Variants in CATSPERT observed in about 807,000 individuals in gnomAD.
CATSPERT encodes catsper channel auxiliary subunit tau.
the CATSPERT span, among the ~76,000 whole-genome samples, chr2:201,510,521 G>T: frequency 2.0e-5 from 3 of 152,184 alleles, no homozygotes; most frequent in Admixed American, 6.5e-5. Context: ...GCTCATCCTT[G>T]TAGCCTCTGA....
At chr2:201,525,202 C>A in the CATSPERT span, among the ~76,000 whole-genome samples, 2 of 152,084 alleles carry the variant, frequency 1.3e-5, no homozygotes, top group Non-Finnish European at 2.9e-5. Context: ...AAATTGGCCA[C>A]ACAACCAGAA....
At chr2:201,542,966 G>C in the CATSPERT span, among the ~76,000 whole-genome samples, 1 of 152,062 alleles carries the variant, frequency 6.6e-6, no homozygotes, top group African/African-American at 2.4e-5. Flanking sequence ...TTTTCTTCTA[G>C]GAGTTTTACA....
At chr2:201,565,988 C>T in the CATSPERT span, 2 of 901,336 alleles carry the variant, frequency 2.2e-6, no homozygotes, top group South Asian at 2.8e-5. Flanking sequence ...ACCTAGCCAC[C>T]TTGGGCCATC....
the CATSPERT span, among the ~76,000 whole-genome samples, chr2:201,560,462 TAATAATAAC>T: frequency 7.3e-3 from 286 of 39,362 alleles, 2 homozygotes; most frequent in African/African-American, 0.02. Flanking sequence ...ATAATAATAA[TAATAATAAC>T]AACAACAACA....
At chr2:201,501,589 A>C in the CATSPERT span, among the ~76,000 whole-genome samples, 2 of 152,054 alleles carry the variant, frequency 1.3e-5, no homozygotes, top group Non-Finnish European at 2.9e-5. Context: ...CACGATAGAG[A>C]ATATCAGTGA....
chr2:201,494,573 T>C, the CATSPERT span: 8 of 1,537,048 alleles, frequency 5.2e-6, no homozygotes, highest in East Asian at 2.4e-5. Context: ...TGGGCCCAGG[T>C]TGTATTAGCA....
chr2:201,545,548 C>A, the CATSPERT span: 1 of 1,502,134 alleles, frequency 6.7e-7, no homozygotes, highest in Non-Finnish European at 8.9e-7. Flanking sequence ...CTTACCTACT[C>A]CTACAATATT....
At chr2:201,562,526 A>ATTTATTTT in the CATSPERT span, among the ~76,000 whole-genome samples, 1 of 147,170 alleles carries the variant, frequency 6.8e-6, no homozygotes, top group African/African-American at 2.5e-5. Flanking sequence ...TTATTTATTT[A>ATTTATTTT]TTTTTTTTAT....
chr2:201,507,916 T>C, the CATSPERT span, among the ~76,000 whole-genome samples: 7 of 152,068 alleles, frequency 4.6e-5, no homozygotes, highest in Non-Finnish European at 7.4e-5. Flanking sequence ...AACCAGATCT[T>C]GTGAGAACTC....
At chr2:201,606,429 C>A in the CATSPERT span, among the ~76,000 whole-genome samples, 4 of 152,170 alleles carry the variant, frequency 2.6e-5, no homozygotes, top group Admixed American at 2.6e-4. Flanking sequence ...GGATTTTTAT[C>A]CAACCAAGTC....
At chr2:201,584,759 G>A in the CATSPERT span, among the ~76,000 whole-genome samples, 876 of 151,974 alleles carry the variant, frequency 5.8e-3, 4 homozygotes, top group Non-Finnish European at 9.4e-3. Context: ...CTCCAGCCTG[G>A]GTGACAGAGC....
the CATSPERT span, among the ~76,000 whole-genome samples, chr2:201,519,861 C>T: frequency 3.3e-5 from 5 of 152,066 alleles, no homozygotes; most frequent in African/African-American, 4.8e-5. Context: ...AATTAAATGC[C>T]GATTTTAAAA....
the CATSPERT span, among the ~76,000 whole-genome samples, chr2:201,571,227 T>C: frequency 6.6e-6 from 1 of 152,166 alleles, no homozygotes; most frequent in East Asian, 1.9e-4. Flanking sequence ...ATCAAATAGA[T>C]AAAGTATTTT....
At chr2:201,605,902 T>C in the CATSPERT span, among the ~76,000 whole-genome samples, 1 of 151,912 alleles carries the variant, frequency 6.6e-6, no homozygotes, top group Non-Finnish European at 1.5e-5. Flanking sequence ...GAAAAGAAAT[T>C]TTTAAAAAAG....
At chr2:201,533,813 A>G in the CATSPERT span, among the ~76,000 whole-genome samples, 2 of 151,992 alleles carry the variant, frequency 1.3e-5, no homozygotes, top group Non-Finnish European at 2.9e-5. Context: ...TGAGTATGGG[A>G]CTTGCTGTAA....
At chr2:201,539,556 G>A in the CATSPERT span, among the ~76,000 whole-genome samples, 3 of 79,388 alleles carry the variant, frequency 3.8e-5, no homozygotes, top group Non-Finnish European at 8.8e-5. Context: ...TTTTTAACGA[G>A]GTTGTTTTTT....
the CATSPERT span, among the ~76,000 whole-genome samples, chr2:201,536,625 G>A: frequency 6.6e-6 from 1 of 151,672 alleles, no homozygotes; most frequent in Non-Finnish European, 1.5e-5. Context: ...TTATTACACT[G>A]TCACCAATAT....
At chr2:201,607,276 T>C in the CATSPERT span, among the ~76,000 whole-genome samples, 1 of 152,158 alleles carries the variant, frequency 6.6e-6, no homozygotes, top group African/African-American at 2.4e-5. Context: ...TTACTTAACC[T>C]CTCTAACCCA....
At chr2:201,525,431 C>T in the CATSPERT span, among the ~76,000 whole-genome samples, 1 of 152,142 alleles carries the variant, frequency 6.6e-6, no homozygotes, top group African/African-American at 2.4e-5. Flanking sequence ...ATAAAACATA[C>T]CAAGATCTCT....
Sources: gnomAD v4.1 joint callset for allele counts (sites outside exome capture counted in the v4.1 genomes callset) on GRCh38, gnomAD v4.1.1 for gene constraint, MANE v1.5 for transcripts, NCBI Gene and HGNC (gene_info 2026-07-23, HGNC 2026-07-21) for gene names.